Variants in TJAP1 observed in about 807,000 individuals in gnomAD.
TJAP1 encodes the protein tight junction-associated protein 1.
In TJAP1, 27 loss-of-function variants were observed where a neutral mutation model predicts 42.0. The observed-to-expected ratio is 0.64, with a 90% CI of 0.47 to 0.89. The LOEUF is 0.89. Among genes scored for constraint, TJAP1 ranks in the 40% least tolerant of loss-of-function variants. TJAP1 has a pLI of 0.00. For synonymous variants in TJAP1, 257 were observed against 288.4 expected (o/e 0.89, Z 1.10); for missense variants, 712 against 726.9 (o/e 0.98, Z 0.24).
chr6:43,478,377 G>A (rs1444964737), intron 2 of TJAP1, 145 bp downstream of exon 2: 3 of 152,278 alleles, frequency 2.0e-5, no homozygotes, highest in Non-Finnish European at 2.9e-5. Context: ...CCTTAAGTTA[G>A]TGTTTGGCGT....
At chr6:43,503,219 C>T in intron 8 of TJAP1, 182 bp from the exon 9 acceptor site, 1 of 603,294 alleles carries the variant, frequency 1.7e-6, no homozygotes, top group Non-Finnish European at 3.0e-6. Context: ...CACCCCACAG[C>T]CAGTCCAGAG....
rs565542591 is a variant in TJAP1, at chr6:43,486,288, C to T, written c.-122+8056C>T. Among the ~76,000 whole-genome samples, 13 of 149,902 alleles carry T rather than the reference C, an allele frequency of 8.7e-5. 1 individual carries two copies. The South Asian group carries it at 2.5e-3, about 29-fold the overall frequency. The stretch of plus-strand genomic sequence containing the variant: ...CCAGACGGTTTATGTTCTAATAACA[C>T]ATCCCTAAGCAATCAGAAAGGGGGT... On this transcript the variant is annotated intron_variant, in intron 2 of 10. Transcript: ENST00000372449.
At chr6:43,486,310 G>A (rs116550367) in intron 2 of TJAP1, among the ~76,000 whole-genome samples, 2,050 of 150,952 alleles carry the variant, frequency 0.014, 50 homozygotes, top group African/African-American at 0.048. Flanking sequence ...ATCAGAAAGG[G>A]GGTTAAAGGA....
At chr6:43,496,157 T>C (rs1441596886) in intron 2 of TJAP1, among the ~76,000 whole-genome samples, 1 of 152,138 alleles carries the variant, frequency 6.6e-6, no homozygotes, top group East Asian at 1.9e-4. Context: ...CTCTCTGAGC[T>C]GCCCCTTTAC....
intron 8 of TJAP1, chr6:43,502,926 T>C (rs1264455801): frequency 1.9e-6 from 1 of 528,998 alleles, no homozygotes; most frequent in Non-Finnish European, 3.4e-6. Context: ...ATCCAGTCCC[T>C]GAACTGGAGA....
At chr6:43,499,894 G>C (rs114126446) in intron 4 of TJAP1, among the ~76,000 whole-genome samples, 1,727 of 152,318 alleles carry the variant, frequency 0.011, 35 homozygotes, top group African/African-American at 0.04. Context: ...CAGCTATTAT[G>C]CTAGGTGCTA....
chr6:43,478,360 C>G (rs1328836154), intron 2 of TJAP1, 128 bp downstream of exon 2: 1 of 152,222 alleles, frequency 6.6e-6, no homozygotes, highest in African/African-American at 2.4e-5. Context: ...TGTCCTTTGT[C>G]TGAGGTCCTT....
chr6:43,502,296 T>A (rs542888096), exon 7 of TJAP1: 1 of 1,613,914 alleles, frequency 6.2e-7, no homozygotes, highest in South Asian at 1.1e-5. Flanking sequence ...GCAGAACAGC[T>A]ACACGGCTTC....
At chr6:43,501,425 C>A in intron 5 of TJAP1, 101 bp from the exon 6 acceptor site, 2 of 1,069,590 alleles carry the variant, frequency 1.9e-6, no homozygotes, top group Non-Finnish European at 2.8e-6. Context: ...GTTTGCCTGT[C>A]CTCATGTCAT....
rs1340133157 is a variant in TJAP1 at position 43,491,438 on chromosome 6, G to A, written c.-121-6443G>A. Among the ~76,000 whole-genome samples the A allele has an allele frequency of 1.3e-5, 2 of 152,100 alleles. No individual in the cohort carries two copies. The highest frequency in any genetic ancestry group is 2.9e-5 in the Non-Finnish European group (2 of 68,020). ...CCCGAGTAGCTGGGATTACAGGCAT[G>A]CGCCACCACGCCCGGCTCATTTTGT... On this transcript the variant is annotated intron_variant, in intron 2 of 10. Transcript: ENST00000372449. This position sits in a 1 kb window ranked among gnomAD's most constrained non-coding sequence, Gnocchi z 4.6.
chr6:43,479,985 G>A (rs1581867053), intron 2 of TJAP1, among the ~76,000 whole-genome samples: 3 of 151,412 alleles, frequency 2.0e-5, no homozygotes, highest in African/African-American at 7.3e-5. Flanking sequence ...GAAAAAAAGC[G>A]TCTCCAAAAA....
At chr6:43,482,326 A>G (rs1785491605) in intron 2 of TJAP1, among the ~76,000 whole-genome samples, 1 of 152,148 alleles carries the variant, frequency 6.6e-6, no homozygotes, top group African/African-American at 2.4e-5. Context: ...CCTTATTCAG[A>G]TATTTATGAA....
intron 2 of TJAP1, among the ~76,000 whole-genome samples, chr6:43,493,710 A>G (rs1360388563): frequency 6.6e-6 from 1 of 152,096 alleles, no homozygotes; most frequent in Non-Finnish European, 1.5e-5. Context: ...CTTGGGCTGG[A>G]AACTTTTTGC....
intron 8 of TJAP1, 69 bp downstream of exon 8, chr6:43,502,686 G>C (rs1791224330): frequency 6.6e-7 from 1 of 1,519,724 alleles, no homozygotes; most frequent in Middle Eastern, 1.7e-4. Context: ...TGGGATTGTG[G>C]GCCCTGGCTG....
At chr6:43,485,218 A>G (rs1281785495) in intron 2 of TJAP1, among the ~76,000 whole-genome samples, 1 of 152,200 alleles carries the variant, frequency 6.6e-6, no homozygotes, top group East Asian at 1.9e-4. Context: ...GGATTGAAAA[A>G]TGGGTGAATC....
In TJAP1 at chr6:43,499,135, A is replaced by C. The variant is rs542080999; in HGVS notation, c.99+35A>C. The C allele has an allele frequency of 4.3e-6, 7 of 1,610,702 alleles. No homozygotes were observed. In the Admixed American group the frequency reaches 1.2e-4, roughly 27 times the overall value. On this transcript the variant is annotated intron_variant, in intron 4 of 10. Transcript: ENST00000372449. The stretch of plus-strand genomic sequence containing the variant: ...ACTGGTATCACAGCCTGACCGGCAG[A>C]GGCAAGGCCCCTGAGGCTGGGTGTC...
At chr6:43,501,347 A>G in intron 5 of TJAP1, 179 bp from the exon 6 acceptor site, 1 of 608,870 alleles carries the variant, frequency 1.6e-6, no homozygotes, top group East Asian at 2.8e-5. Context: ...CTGTGTTCCC[A>G]GGGCCAGCAG....
chr6:43,504,717 G>A (rs200157507), intron 10 of TJAP1, 44 bp from the exon 11 acceptor site: 1 of 1,585,034 alleles, frequency 6.3e-7, no homozygotes, highest in South Asian at 1.1e-5. Flanking sequence ...AGTTATCTTT[G>A]GCTGCGATCA....
In TJAP1 at chr6:43,505,655, C is replaced by T. The variant is rs1792191231; in HGVS notation, c.1474C>T (p.Pro492Ser). The stretch of plus-strand genomic sequence containing the variant: ...AGAAGAGCTGAACCTGCCTATCAGT[C>T]CTGAGGAAGAGCGCCAGAGCCTGCT... Residue 492 changes from proline (P) to serine (S), a missense_variant, in exon 11 of 11, where the codon CCT becomes TCT. Coordinates refer to ENST00000372449, the Ensembl canonical transcript of TJAP1. The surrounding 1 kb of genome is among the most constrained non-coding windows in gnomAD (Gnocchi z 5.5). 1 of 1,611,910 alleles carries T rather than the reference C, an allele frequency of 6.2e-7. No homozygotes were observed. The highest frequency in any genetic ancestry group is 1.3e-5 in the African/African-American group (1 of 74,916).
Sources: allele counts gnomAD v4.1 joint callset (sites outside exome capture counted in the v4.1 genomes callset), GRCh38; gene constraint gnomAD v4.1.1; non-coding constraint Gnocchi (gnomAD v3.1); transcripts MANE v1.5; gene names NCBI Gene and HGNC (gene_info 2026-07-23, HGNC 2026-07-21).